Variants in CDC25C observed in about 807,000 individuals in gnomAD.
CDC25C encodes M-phase inducer phosphatase 3.
CDC25C carries 48 observed loss-of-function variants against 52.5 expected under a neutral mutation model. That is an observed-to-expected ratio of 0.91 (90% CI 0.72 to 1.16). The LOEUF (loss-of-function observed/expected upper bound fraction) is 1.16. CDC25C is among the 50% of genes most tolerant of loss of function. The pLI, the probability that CDC25C is intolerant of heterozygous loss-of-function variation, is 0.00. For missense variants in CDC25C, 510 were observed against 566.1 expected (o/e 0.90, Z 1.01); for synonymous variants, 187 against 206.5 (o/e 0.91, Z 0.81).
Position 138,314,002 on chromosome 5 carries a change from T to C in CDC25C, c.615+5217A>G, listed in dbSNP as rs1427435380. On this transcript the variant is annotated intron_variant, in intron 7 of 13. Coordinates refer to ENST00000323760, the MANE Select transcript of CDC25C (RefSeq NM_001790.5). ...TTCTTTCTTTCTTTCTTTCTTTTTT[T>C]TTTTTTTTTGAGATGGAGTCTTGCT... 5.7e-3 allele frequency among the ~76,000 whole-genome samples: 835 copies of C among 145,350 alleles called. 4 individuals are homozygous for C. The highest frequency in any genetic ancestry group is 9.8e-3 in the Non-Finnish European group (647 of 66,228).
At chr5:138,333,253 A>G (rs1760521289), upstream of CDC25C, among the ~76,000 whole-genome samples, 1 of 152,226 alleles carries the variant, frequency 6.6e-6, no homozygotes. Flanking sequence ...CGATAGGTCT[A>G]AAGTGGGGTC....
At chr5:138,312,789 A>C (rs1018960348) in intron 7 of CDC25C, among the ~76,000 whole-genome samples, 1 of 152,226 alleles carries the variant, frequency 6.6e-6, no homozygotes, top group Admixed American at 6.5e-5. Flanking sequence ...AATGTATGTA[A>C]TACTACTAAA....
chr5:138,314,585 C>T (rs946751713), intron 7 of CDC25C, among the ~76,000 whole-genome samples: 4 of 150,460 alleles, frequency 2.7e-5, no homozygotes, highest in Admixed American at 6.6e-5. Context: ...TGTGAGTCAC[C>T]GCTCCCAGCC....
chr5:138,319,375 C>T lies in CDC25C; in HGVS notation c.460-1G>A. On this transcript the variant is annotated splice_acceptor_variant, in intron 6 of 13. Coordinates refer to ENST00000323760, the MANE Select transcript of CDC25C (RefSeq NM_001790.5). LOFTEE classifies it high-confidence loss of function. ...CACTGTCCACCAAGTTTCCATTGTC[C>T]TGTCAAGTATATTGACAACATTAAA... 1 of 1,609,090 alleles carries T rather than the reference C, an allele frequency of 6.2e-7. No homozygotes were observed. Among genetic ancestry groups the T allele is most frequent in the Non-Finnish European group, 8.5e-7 (1 of 1,177,230 alleles).
intron 7 of CDC25C, among the ~76,000 whole-genome samples, chr5:138,306,671 T>C (rs1758025474): frequency 6.6e-6 from 1 of 151,926 alleles, no homozygotes; most frequent in African/African-American, 2.4e-5. Flanking sequence ...AGACGGGGTT[T>C]CATCATGTTG....
chr5:138,290,954 GTTTA>G (rs1345783056), intron 8 of CDC25C, among the ~76,000 whole-genome samples: 1 of 151,782 alleles, frequency 6.6e-6, no homozygotes, highest in Non-Finnish European at 1.5e-5. Context: ...GACTCCATTT[GTTTA>G]TTTATTATTT....
At chr5:138,290,007 A>C (rs1213732964) in intron 9 of CDC25C, among the ~76,000 whole-genome samples, 1 of 152,082 alleles carries the variant, frequency 6.6e-6, no homozygotes, top group Admixed American at 6.6e-5. Flanking sequence ...CTCGAGGCTG[A>C]AGTGAGCTAT....
intron 10 of CDC25C, among the ~76,000 whole-genome samples, chr5:138,287,893 C>T (rs535117970): frequency 1.3e-5 from 2 of 151,988 alleles, no homozygotes; most frequent in Admixed American, 1.3e-4. Context: ...TTTATATTAT[C>T]AATATATTAG....
intron 7 of CDC25C, among the ~76,000 whole-genome samples, chr5:138,312,446 T>A (rs1478907217): frequency 6.6e-6 from 1 of 152,196 alleles, no homozygotes. Flanking sequence ...ATATTCACAA[T>A]TGCCAAAAGA....
upstream of CDC25C, chr5:138,333,675 C>A (rs148487058): frequency 2.6e-5 from 4 of 152,162 alleles, no homozygotes; most frequent in African/African-American, 9.7e-5. Flanking sequence ...CTATTGGTGG[C>A]AAAAGCAGAT....
chr5:138,335,179 A>T (rs1244773127), upstream of CDC25C: 1 of 152,232 alleles, frequency 6.6e-6, no homozygotes, highest in Non-Finnish European at 1.5e-5. Context: ...CAGGCAGTGG[A>T]GAAGAGCCCT....
chr5:138,287,251 G>A lies in CDC25C; in HGVS notation c.944C>T (p.Ser315Leu), dbSNP rs377708590. Residue 315 changes from serine (S) to leucine (L), a missense_variant, in exon 11 of 14, where the codon TCG becomes TTG. By Grantham distance (145) the Ser-to-Leu change is moderately radical (BLOSUM62 -2). Coordinates refer to ENST00000323760, the MANE Select transcript of CDC25C (RefSeq NM_001790.5). ...VNPETVAALLSGKFQGLIEKF... is the reference protein window; with the variant it reads ...VNPETVAALLLGKFQGLIEKF... ...CTCAATCAGACCCTGGAACTTCCCC[G>A]ACAGTAAGGCAGCCACCTGGACAGA... is the stretch of plus-strand genomic sequence containing the variant. 7.4e-6 allele frequency: 12 copies of A among 1,613,362 alleles called. No homozygotes were observed. Among genetic ancestry groups the A allele is most frequent in the East Asian group, 2.2e-5 (1 of 44,886 alleles).
intron 6 of CDC25C, among the ~76,000 whole-genome samples, chr5:138,323,904 G>C (rs1759636523): frequency 6.6e-6 from 1 of 150,508 alleles, no homozygotes. Flanking sequence ...GTTGCAGTGA[G>C]CTGAGATTGT....
At chr5:138,293,044 G>A (rs1030750184) in intron 7 of CDC25C, among the ~76,000 whole-genome samples, 11 of 152,168 alleles carry the variant, frequency 7.2e-5, no homozygotes, top group South Asian at 6.2e-4. Flanking sequence ...CTGGAAGAAC[G>A]AAATAAGAAT....
Position 138,331,720 on chromosome 5 carries a change from C to A in CDC25C, c.-164G>T, listed in dbSNP as rs1207466673. Reference sequence around the variant, plus strand: ...AAGGAGGTAGTTAACTAGATTGCAGCTCTGCCTTCCGACTGGGTAGGCCAA... The same window carrying A: ...AAGGAGGTAGTTAACTAGATTGCAGATCTGCCTTCCGACTGGGTAGGCCAA... On this transcript the variant is annotated 5_prime_UTR_variant, in exon 1 of 14. Coordinates refer to ENST00000323760, the MANE Select transcript of CDC25C (RefSeq NM_001790.5). 1 of 989,640 alleles carries A rather than the reference C, an allele frequency of 1.0e-6. No homozygotes were observed. Among genetic ancestry groups the A allele is most frequent in the East Asian group, 1.1e-4 (1 of 8,934 alleles). 61.3% of individuals were successfully genotyped at this position (989,640 alleles called of 1,614,324 possible).
At chr5:138,291,586 T>C (rs1413888686) in intron 8 of CDC25C, among the ~76,000 whole-genome samples, 1 of 151,926 alleles carries the variant, frequency 6.6e-6, no homozygotes, top group African/African-American at 2.4e-5. Context: ...GCCCAGCTGA[T>C]TTCTTGTATT....
intron 3 of CDC25C, among the ~76,000 whole-genome samples, chr5:138,329,118 T>TG (rs1016288489): frequency 6.6e-5 from 10 of 152,146 alleles, no homozygotes; most frequent in African/African-American, 2.4e-4. Flanking sequence ...TTGGCCAGGA[T>TG]GGTCTCGATC....
chr5:138,321,178 G>C (rs1759353557), intron 6 of CDC25C, among the ~76,000 whole-genome samples: 1 of 151,940 alleles, frequency 6.6e-6, no homozygotes, highest in Non-Finnish European at 1.5e-5. Context: ...AGAAAATAGA[G>C]GTTATCATTG....
At position 138,287,262 on chromosome 5, in the gene CDC25C, A is replaced by T. The variant is rs1318373399; in HGVS notation, c.933T>A (p.Ala311=). Reference sequence around the variant, plus strand: ...CCTGGAACTTCCCCGACAGTAAGGCAGCCACCTGGACAGAAACAATGACTG... The same window carrying T: ...CCTGGAACTTCCCCGACAGTAAGGCTGCCACCTGGACAGAAACAATGACTG... ...DLKYVNPETV[A]ALLSGKFQGL... The change falls in exon 11 of 14, where the codon GCT becomes GCA. Residue 311 remains alanine, a synonymous_variant. Coordinates refer to ENST00000323760, the MANE Select transcript of CDC25C (RefSeq NM_001790.5). 6.2e-7 allele frequency: 1 copy of T among 1,612,322 alleles called. No individual in the cohort carries two copies.
Sources: gnomAD v4.1 joint callset for allele counts (sites outside exome capture counted in the v4.1 genomes callset) on GRCh38, gnomAD v4.1.1 for gene constraint, MANE v1.5 for transcripts, NCBI Gene and HGNC (gene_info 2026-07-23, HGNC 2026-07-21) for gene names.